Variants in ZFPM1 observed in about 807,000 individuals in gnomAD.
ZFPM1 encodes the protein zinc finger protein ZFPM1.
A neutral mutation model predicts 46.3 loss-of-function variants in ZFPM1; 28 were observed. That is an observed-to-expected ratio of 0.60 (90% CI 0.45 to 0.83). The LOEUF is 0.83. ZFPM1 is among the 40% of genes least tolerant of loss of function. ZFPM1 has a pLI of 0.00. For missense variants in ZFPM1, 1,878 were observed against 1,432.4 expected, an observed-to-expected ratio of 1.31 and a Z score of -5.02; for synonymous variants, 957 against 675.9, an observed-to-expected ratio of 1.42 and a Z score of -6.45.
intron 1 of ZFPM1, among the ~76,000 whole-genome samples, chr16:88,461,694 C>T (rs558540133): frequency 2.2e-4 from 34 of 152,274 alleles, no homozygotes; most frequent in Non-Finnish European, 4.0e-4. Context: ...AGCAGAGTCC[C>T]GCTGGCCCTC....
chr16:88,512,147 C>T (rs1481426382), intron 3 of ZFPM1, among the ~76,000 whole-genome samples: 7 of 152,230 alleles, frequency 4.6e-5, no homozygotes, highest in Non-Finnish European at 8.8e-5. Context: ...GGCCGGCTGG[C>T]CCTGGAGCTC....
At chr16:88,485,204 A>G (rs1000462988) in intron 1 of ZFPM1, among the ~76,000 whole-genome samples, 5 of 152,144 alleles carry the variant, frequency 3.3e-5, no homozygotes, top group African/African-American at 9.7e-5. Context: ...CTGGGCCTAC[A>G]GTACAGGGAG....
intron 1 of ZFPM1, among the ~76,000 whole-genome samples, chr16:88,473,328 G>A (rs1380290750): frequency 6.6e-6 from 1 of 152,138 alleles, no homozygotes; most frequent in Non-Finnish European, 1.5e-5. Context: ...AAAGCCTGGA[G>A]TCTCCTGGGC....
intron 1 of ZFPM1, among the ~76,000 whole-genome samples, chr16:88,485,717 GGTGTGA>G (rs1373060914): frequency 1.3e-5 from 2 of 152,186 alleles, no homozygotes; most frequent in Non-Finnish European, 2.9e-5. Flanking sequence ...TGGGATCACA[GGTGTGA>G]GCCACCATGC....
chr16:88,532,990 A>G, intron 9 of ZFPM1, 55 bp downstream of exon 9: 1 of 1,605,594 alleles, frequency 6.2e-7, no homozygotes, highest in South Asian at 1.1e-5. Flanking sequence ...AGCAGTGGGA[A>G]GGGAGTGGGC....
intron 3 of ZFPM1, among the ~76,000 whole-genome samples, chr16:88,510,738 G>A (rs1260339679): frequency 6.6e-6 from 1 of 152,192 alleles, no homozygotes; most frequent in Non-Finnish European, 1.5e-5. Context: ...GCCACCAGCC[G>A]CTGCCTCCCA....
chr16:88,455,083 C>T (rs2142332256), intron 1 of ZFPM1, among the ~76,000 whole-genome samples: 1 of 152,080 alleles, frequency 6.6e-6, no homozygotes. Flanking sequence ...CGCGCTTGTG[C>T]TCTGGTTTCT....
Position 88,500,742 on chromosome 16 carries a change from C to T in ZFPM1, c.268+11589C>T, listed in dbSNP as rs561710813. ...GGGCTCAGGGTCCTCATCTGTGAGA[C>T]GTGGACAGGACAGTTCAGGCTCCCT... is the stretch of plus-strand genomic sequence containing the variant. On this transcript the variant is annotated intron_variant, in intron 3 of 9. Transcript: ENST00000319555. 5.9e-5 allele frequency among the ~76,000 whole-genome samples: 9 copies of T among 152,338 alleles called. No individual in the cohort carries two copies. In the South Asian group the frequency reaches 1.4e-3, roughly 25 times the overall value.
Position 88,534,318 on chromosome 16 carries a change from C to T in ZFPM1, c.2360C>T (p.Pro787Leu), listed in dbSNP as rs754395840. Residue 787 changes from proline to leucine, a missense_variant, in exon 10 of 10, where the codon CCC (proline) becomes CTC (leucine). Pro to Leu is a moderately conservative substitution (Grantham distance 98). Transcript: ENST00000319555. Reference protein sequence around the residue: ...SGPGLAPARSPGPAADGPIDL... With the variant: ...SGPGLAPARSLGPAADGPIDL... ...CCCGGCCTCGCCCCTGCGCGCTCGCCCGGCCCCGCGGCCGACGGCCCCATC... is the reference window on the plus strand; with the variant it reads ...CCCGGCCTCGCCCCTGCGCGCTCGCTCGGCCCCGCGGCCGACGGCCCCATC... 1.1e-5 allele frequency: 14 copies of T among 1,328,120 alleles called. No homozygotes were observed. In the East Asian group the frequency reaches 1.8e-4, roughly 17 times the overall value. 82.3% of individuals were successfully genotyped at this position (1,328,120 alleles called of 1,614,324 possible).
intron 1 of ZFPM1, 75 bp downstream of exon 1, chr16:88,453,753 G>T (rs1907400431): frequency 4.3e-6 from 4 of 924,788 alleles, no homozygotes; most frequent in Non-Finnish European, 5.3e-6. Context: ...CGCCGCCCCC[G>T]CCCGTCCCCG....
At chr16:88,477,302 G>A (rs1908733697) in intron 1 of ZFPM1, among the ~76,000 whole-genome samples, 1 of 152,264 alleles carries the variant, frequency 6.6e-6, no homozygotes, top group Non-Finnish European at 1.5e-5. Context: ...ATGCTAGAAA[G>A]AGTAAGATTT....
At chr16:88,452,713 T>C (rs979773637), upstream of ZFPM1, among the ~76,000 whole-genome samples, 8 of 152,224 alleles carry the variant, frequency 5.3e-5, no homozygotes, top group Non-Finnish European at 1.2e-4. Context: ...CCCAGGGGTC[T>C]AGGGAGGGAC....
rs547469622 is a variant in ZFPM1, at chr16:88,497,990, G to A, written c.268+8837G>A. ...CTCCCTCCCCACCCGGTGTGCGTGG[G>A]TGGGAAATCATTCCAGCTATTCTGC... On this transcript the variant is annotated intron_variant, in intron 3 of 9. Transcript: ENST00000319555. The surrounding 1 kb of genome is among the most constrained non-coding windows in gnomAD (Gnocchi z 5.4). Among the ~76,000 whole-genome samples the A allele has an allele frequency of 1.7e-4, 26 of 152,338 alleles. No homozygotes were observed. Among genetic ancestry groups the A allele is most frequent in the African/African-American group, 5.8e-4 (24 of 41,582 alleles).
intron 3 of ZFPM1, among the ~76,000 whole-genome samples, chr16:88,501,127 A>G (rs12927505): frequency 0.26 from 18,324 of 70,910 alleles, 1,702 homozygotes; most frequent in East Asian, 0.34. Context: ...GCAGACATGG[A>G]TGCGGGGGCC....
At position 88,534,339 on chromosome 16, in the gene ZFPM1, C is replaced by T. The variant is rs977238358; in HGVS notation, c.2381C>T (p.Pro794Leu). The T allele has an allele frequency of 1.5e-5, 21 of 1,388,040 alleles. No individual in the cohort carries two copies. The highest frequency in any genetic ancestry group is 1.8e-5 in the Non-Finnish European group (19 of 1,072,248). 86.0% of individuals were successfully genotyped at this position (1,388,040 alleles called of 1,614,324 possible). Residue 794 changes from proline to leucine, a missense_variant, in exon 10 of 10, where the codon CCC (proline) becomes CTC (leucine). Coordinates refer to ENST00000319555, the MANE Select transcript of ZFPM1 (RefSeq NM_153813.3). ...TCGCCCGGCCCCGCGGCCGACGGCC[C>T]CATCGACCTGAGCAAGAAGCCGCGG... The part of the protein sequence containing the change: ...ARSPGPAADG[P>L]IDLSKKPRRP...
At chr16:88,459,714 CTTCCCCTT>C (rs1907724164) in intron 1 of ZFPM1, among the ~76,000 whole-genome samples, 1 of 87,898 alleles carries the variant, frequency 1.1e-5, no homozygotes, top group South Asian at 6.4e-4. Context: ...CCCTTCCCCT[CTTCCCCTT>C]CCTCCTCCCC....
chr16:88,461,176 C>T (rs1233356914), intron 1 of ZFPM1, among the ~76,000 whole-genome samples: 3 of 80,338 alleles, frequency 3.7e-5, no homozygotes, highest in African/African-American at 1.4e-4. Flanking sequence ...TGGTGAGGAC[C>T]GAGGGGCGGG....
In ZFPM1 at chr16:88,512,502, C is replaced by T. The variant is rs372299700; in HGVS notation, c.269-1885C>T. On this transcript the variant is annotated intron_variant, in intron 3 of 9. Coordinates refer to ENST00000319555, the MANE Select transcript of ZFPM1 (RefSeq NM_153813.3). ...CAGCCACTCCTGGGTCCAGACGTGC[C>T]CTCAGGGGCTTCTCGGACAAGGGGT... is the stretch of plus-strand genomic sequence containing the variant. Among the ~76,000 whole-genome samples the T allele has an allele frequency of 1.8e-4, 27 of 152,290 alleles. 1 individual carries two copies. The highest frequency in any genetic ancestry group is 1.5e-3 in the East Asian group (8 of 5,174).
chr16:88,536,263 C>G lies in ZFPM1; in HGVS notation c.*1284C>G, dbSNP rs1456194720. 1 of 152,190 alleles carries G rather than the reference C, an allele frequency of 6.6e-6. No individual in the cohort carries two copies. Among genetic ancestry groups the G allele is most frequent in the Admixed American group, 6.5e-5 (1 of 15,276 alleles). 9.4% of individuals were successfully genotyped at this position (152,190 alleles called of 1,614,324 possible). On this transcript the variant is annotated 3_prime_UTR_variant, in exon 10 of 10. Transcript: ENST00000319555. ...CATAAGTCACTGCAGCCTCAAACTC[C>G]TGAGCTGAAACCATCTTCCTGCCTC...
Sources: gnomAD v4.1 joint callset for allele counts (sites outside exome capture counted in the v4.1 genomes callset) on GRCh38, gnomAD v4.1.1 for gene constraint, Gnocchi (gnomAD v3.1) non-coding constraint, MANE v1.5 for transcripts, NCBI Gene and HGNC (gene_info 2026-07-23, HGNC 2026-07-21) for gene names.